ATRNL1: variants seen among roughly 807,000 people sequenced by gnomAD.
ATRNL1 encodes attractin like 1, also known as attractin-like protein 1.
In ATRNL1, 95 loss-of-function variants were observed where a neutral mutation model predicts 182.7. The observed-to-expected ratio is 0.52, with a 90% confidence interval of 0.44 to 0.62. ATRNL1 has a LOEUF of 0.62. ATRNL1 is among the 20% of genes least tolerant of loss of function. The probability of loss-of-function intolerance (pLI) is 0.00; values close to 1 mark genes in which losing one functional copy is unlikely to be tolerated. For synonymous variants in ATRNL1, 576 were observed against 568.3 expected (o/e 1.01, Z -0.19); for missense variants, 1,471 against 1,679.5 (o/e 0.88, Z 2.17).
At chr10:115,624,892 T>C (rs1555024172) in intron 26 of ATRNL1, among the ~76,000 whole-genome samples, 1 of 152,192 alleles carries the variant, frequency 6.6e-6, no homozygotes, top group African/African-American at 2.4e-5. Flanking sequence ...GGATCTGCAA[T>C]ATCTTTAGAA....
intron 8 of ATRNL1, among the ~76,000 whole-genome samples, chr10:115,176,413 G>A (rs916354386): frequency 6.6e-6 from 1 of 152,052 alleles, no homozygotes; most frequent in Non-Finnish European, 1.5e-5. Context: ...TTGGCTGCAT[G>A]TTGTAAATAA....
chr10:115,851,693 G>A (rs1951060168), intron 28 of ATRNL1, among the ~76,000 whole-genome samples: 1 of 152,132 alleles, frequency 6.6e-6, no homozygotes, highest in African/African-American at 2.4e-5. Context: ...GGCTAATTAG[G>A]TTTCCTGCTT....
Position 115,559,443 on chromosome 10 carries a change from T to TCAC in ATRNL1, c.3795+9907_3795+9908insCAC, listed in dbSNP as rs782381060. On this transcript the variant is annotated intron_variant, in intron 26 of 28. Transcript: ENST00000355044. ...GTGTGTGTGTGTGTGTGTGTGTGTG[T>TCAC]GCGCGCGCGCACGCACGCACATGCG... 1.4e-4 allele frequency among the ~76,000 whole-genome samples: 11 copies of TCAC among 77,864 alleles called. No individual in the cohort carries two copies. In the East Asian group the frequency reaches 2.0e-3, roughly 14 times the overall value. The allele number at this position is 77,864 out of a possible 152,430, so 51.1% of individuals were successfully genotyped here. A position where few individuals can be genotyped will look rare whatever the true frequency, so the allele number is the denominator to read the frequency against.
At chr10:115,668,531 A>G (rs1438194406) in intron 26 of ATRNL1, among the ~76,000 whole-genome samples, 1 of 152,192 alleles carries the variant, frequency 6.6e-6, no homozygotes, top group Non-Finnish European at 1.5e-5. Context: ...TAACTAACAT[A>G]TCTGTAAGCC....
At chr10:115,776,653 G>A (rs147200769) in intron 27 of ATRNL1, among the ~76,000 whole-genome samples, 1 of 150,462 alleles carries the variant, frequency 6.6e-6, no homozygotes, top group East Asian at 1.9e-4. Context: ...GAAGAGACCT[G>A]TGTGCAAAGG....
Position 115,323,572 on chromosome 10 carries a change from G to A in ATRNL1, c.3037+7836G>A, listed in dbSNP as rs903792282. 2.6e-5 allele frequency among the ~76,000 whole-genome samples: 4 copies of A among 151,492 alleles called. No homozygotes were observed. In the East Asian group the frequency reaches 7.8e-4, roughly 30 times the overall value. ...CAATTCTCCTGCCTCAGCCTCCTGA[G>A]TAGCTGGGATTACAGGCATGTGCCA... On this transcript the variant is annotated intron_variant, in intron 18 of 28. Coordinates refer to ENST00000355044, the MANE Select transcript of ATRNL1 (RefSeq NM_207303.4).
chr10:115,442,075 G>A (rs1192182245), intron 21 of ATRNL1, among the ~76,000 whole-genome samples: 2 of 151,664 alleles, frequency 1.3e-5, no homozygotes, highest in Admixed American at 6.6e-5. Context: ...TTCTCCAATC[G>A]GCCACCAGGG....
chr10:115,590,830 A>G (rs934355417), intron 26 of ATRNL1, among the ~76,000 whole-genome samples: 9 of 152,300 alleles, frequency 5.9e-5, no homozygotes, highest in Non-Finnish European at 1.2e-4. Context: ...GAATACTAGC[A>G]TTTCTGAACT....
chr10:115,138,542 G>A (rs1554877248), intron 5 of ATRNL1, among the ~76,000 whole-genome samples: 1 of 152,224 alleles, frequency 6.6e-6, no homozygotes, highest in Non-Finnish European at 1.5e-5. Context: ...AAGCTGCCAA[G>A]GCCTGGGGCT....
At chr10:115,498,687 T>G (rs1374557279) in intron 24 of ATRNL1, among the ~76,000 whole-genome samples, 1 of 151,768 alleles carries the variant, frequency 6.6e-6, no homozygotes, top group Non-Finnish European at 1.5e-5. Context: ...ATACAAAATA[T>G]AAATATGGAT....
intron 27 of ATRNL1, among the ~76,000 whole-genome samples, chr10:115,813,298 G>C (rs1950089906): frequency 6.6e-6 from 1 of 152,066 alleles, no homozygotes; most frequent in Non-Finnish European, 1.5e-5. Flanking sequence ...GCAGGGATAT[G>C]GGTTATTATG....
intron 17 of ATRNL1, among the ~76,000 whole-genome samples, chr10:115,311,693 C>T (rs1854037561): frequency 6.6e-6 from 1 of 152,116 alleles, no homozygotes; most frequent in Non-Finnish European, 1.5e-5. Flanking sequence ...GATGATCTGT[C>T]TAGTGGAGTG....
At chr10:115,625,276 A>G (rs150280413) in intron 26 of ATRNL1, among the ~76,000 whole-genome samples, 59 of 152,326 alleles carry the variant, frequency 3.9e-4, no homozygotes, top group African/African-American at 1.1e-3. Context: ...TCGAAATTGT[A>G]TGGATGAAAC....
intron 28 of ATRNL1, among the ~76,000 whole-genome samples, chr10:115,855,389 C>T (rs1951155986): frequency 3.9e-5 from 6 of 152,164 alleles, no homozygotes; most frequent in Admixed American, 3.9e-4. Context: ...AAATCCCACA[C>T]CTTCTAACAT....
chr10:115,554,707 C>T (rs1554996580), intron 26 of ATRNL1, among the ~76,000 whole-genome samples: 1 of 151,288 alleles, frequency 6.6e-6, no homozygotes, highest in South Asian at 2.1e-4. Flanking sequence ...TAGAATATAT[C>T]GAAAAGTTTT....
At chr10:115,905,431 T>TG (rs1310274437) in intron 28 of ATRNL1, among the ~76,000 whole-genome samples, 1 of 151,558 alleles carries the variant, frequency 6.6e-6, no homozygotes, top group Non-Finnish European at 1.5e-5. Flanking sequence ...GGTCTTCCTA[T>TG]GTTGCCCAGG....
intron 18 of ATRNL1, among the ~76,000 whole-genome samples, chr10:115,333,203 A>G (rs537280940): frequency 6.6e-6 from 1 of 152,334 alleles, no homozygotes; most frequent in Admixed American, 6.5e-5. Context: ...GGTGACAATT[A>G]AGATGATTTT....
chr10:115,749,521 CA>C (rs1179704636), intron 27 of ATRNL1, among the ~76,000 whole-genome samples: 1 of 151,790 alleles, frequency 6.6e-6, no homozygotes, highest in Non-Finnish European at 1.5e-5. Flanking sequence ...AGATGCTGAA[CA>C]AAAACTCACG....
chr10:115,182,554 GAAAACATTTCAACTTGCTGCATAAAAC>G (rs1318323430), intron 8 of ATRNL1, among the ~76,000 whole-genome samples: 35 of 151,524 alleles, frequency 2.3e-4, no homozygotes, highest in Non-Finnish European at 4.4e-4. Context: ...TTTATTAAAA[GAAAACATTTCAACTTGCTGCATAAAAC>G]AAAACCCAAA....
Sources: gnomAD v4.1 joint callset for allele counts (sites outside exome capture counted in the v4.1 genomes callset) on GRCh38, gnomAD v4.1.1 for gene constraint, MANE v1.5 for transcripts, NCBI Gene and HGNC (gene_info 2026-07-23, HGNC 2026-07-21) for gene names.